MACROD2: variants seen among roughly 807,000 people sequenced by gnomAD.
MACROD2 encodes the protein ADP-ribose glycohydrolase MACROD2.
MACROD2 carries 36 observed loss-of-function variants against 70.4 expected under a neutral mutation model. That is an observed-to-expected ratio of 0.51 (90% CI 0.39 to 0.68). The LOEUF is 0.68. Among genes scored for constraint, MACROD2 ranks in the 30% least tolerant of loss-of-function variants. The pLI is 0.00. For synonymous variants in MACROD2, 172 were observed against 178.8 expected (o/e 0.96, Z 0.30); for missense variants, 496 against 538.4 (o/e 0.92, Z 0.78).
chr20:15,038,259 G>T (rs548949758), intron 5 of MACROD2, among the ~76,000 whole-genome samples: 1 of 152,192 alleles, frequency 6.6e-6, no homozygotes, highest in East Asian at 1.9e-4. Context: ...TATATCTCTG[G>T]ATAATTTTTA....
chr20:14,090,272 A>G (rs994321056), intron 3 of MACROD2, among the ~76,000 whole-genome samples: 2 of 152,314 alleles, frequency 1.3e-5, no homozygotes, highest in East Asian at 3.9e-4. Flanking sequence ...TTCCATTATC[A>G]TAAAAGAACT....
chr20:14,723,431 A>G (rs2071492616), intron 5 of MACROD2, among the ~76,000 whole-genome samples: 1 of 151,762 alleles, frequency 6.6e-6, no homozygotes, highest in African/African-American at 2.4e-5. Context: ...GAGAGCTAAT[A>G]TTCCTGTTTC....
intron 8 of MACROD2, among the ~76,000 whole-genome samples, chr20:15,781,490 C>A (rs146187815): frequency 6.6e-6 from 1 of 152,236 alleles, no homozygotes; most frequent in African/African-American, 2.4e-5. Flanking sequence ...GATCAAGATG[C>A]TAGCAGGCTC....
At chr20:15,052,085 T>G (rs190813931) in intron 5 of MACROD2, among the ~76,000 whole-genome samples, 1 of 152,248 alleles carries the variant, frequency 6.6e-6, no homozygotes, top group Admixed American at 6.5e-5. Flanking sequence ...TTCAAGGAAT[T>G]TTCTTAAATC....
chr20:14,832,298 G>A (rs1355016367), intron 5 of MACROD2, among the ~76,000 whole-genome samples: 1 of 151,934 alleles, frequency 6.6e-6, no homozygotes, highest in Non-Finnish European at 1.5e-5. Flanking sequence ...TGATCAGGCT[G>A]AGAAAGAAAC....
At chr20:15,656,574 G>A (rs938093597) in intron 8 of MACROD2, among the ~76,000 whole-genome samples, 1 of 152,170 alleles carries the variant, frequency 6.6e-6, no homozygotes, top group Non-Finnish European at 1.5e-5. Context: ...AAACCCCAGA[G>A]TTGGAACTGC....
chr20:14,919,306 A>G (rs2074132014), intron 5 of MACROD2, among the ~76,000 whole-genome samples: 1 of 152,188 alleles, frequency 6.6e-6, no homozygotes, highest in Admixed American at 6.5e-5. Flanking sequence ...TATAAGCTAC[A>G]TTTTTAACCA....
intron 8 of MACROD2, among the ~76,000 whole-genome samples, chr20:15,595,393 G>C (rs890724709): frequency 4.8e-4 from 73 of 152,302 alleles, no homozygotes; most frequent in African/African-American, 1.7e-3. Context: ...AGCAATGTAT[G>C]ATGAGCCTTA....
chr20:14,132,595 G>C (rs778505505), intron 3 of MACROD2, among the ~76,000 whole-genome samples: 1 of 151,896 alleles, frequency 6.6e-6, no homozygotes, highest in Non-Finnish European at 1.5e-5. Context: ...AATTACTTAG[G>C]GTTCTATTTG....
intron 8 of MACROD2, among the ~76,000 whole-genome samples, chr20:15,597,395 G>A (rs1041348874): frequency 1.2e-4 from 19 of 152,318 alleles, no homozygotes; most frequent in South Asian, 2.1e-4. Context: ...TTGGGGCAAA[G>A]GATACAAGAG....
chr20:15,333,040 T>C (rs2078009641), intron 6 of MACROD2, among the ~76,000 whole-genome samples: 1 of 151,720 alleles, frequency 6.6e-6, no homozygotes. Context: ...TTGAGTAATA[T>C]AGAACTCTTG....
chr20:14,351,238 TTTG>T (rs144880503), intron 3 of MACROD2, among the ~76,000 whole-genome samples: 7 of 152,252 alleles, frequency 4.6e-5, no homozygotes, highest in South Asian at 4.1e-4. Flanking sequence ...TTCTGGTTTT[TTTG>T]TTGTTGTTGT....
At chr20:14,920,882 A>G (rs183705432) in intron 5 of MACROD2, among the ~76,000 whole-genome samples, 121 of 152,300 alleles carry the variant, frequency 7.9e-4, no homozygotes, top group Middle Eastern at 3.4e-3. Flanking sequence ...CATTCACATT[A>G]GGAAAGTCAC....
intron 6 of MACROD2, among the ~76,000 whole-genome samples, chr20:15,373,143 T>C (rs2045516011): frequency 2.0e-5 from 3 of 152,214 alleles, no homozygotes; most frequent in Admixed American, 1.3e-4. Context: ...TTTCTATACC[T>C]ACTTAGGCTA....
intron 5 of MACROD2, among the ~76,000 whole-genome samples, chr20:15,032,540 GAAC>G (rs1264936275): frequency 2.0e-5 from 3 of 152,170 alleles, no homozygotes; most frequent in Non-Finnish European, 2.9e-5. Context: ...ACTTCACCCT[GAAC>G]TATCCAGGAC....
intron 6 of MACROD2, among the ~76,000 whole-genome samples, chr20:15,345,295 A>G (rs1249076432): frequency 1.3e-5 from 2 of 152,204 alleles, no homozygotes; most frequent in Non-Finnish European, 2.9e-5. Context: ...TGGGTTTACT[A>G]TACTTCTCTT....
In MACROD2 at chr20:14,853,173, C is replaced by G. The variant is rs147446812; in HGVS notation, c.418+168214C>G. Among the ~76,000 whole-genome samples, 18 of 149,322 alleles carry G rather than the reference C, an allele frequency of 1.2e-4. No individual in the cohort carries two copies. In the East Asian group the frequency reaches 1.4e-3, roughly 11 times the overall value. On this transcript the variant is annotated intron_variant, in intron 5 of 17. Transcript: ENST00000684519. ...GTGTGAACAGTGTGTGTGTGTGTGT[C>G]TGTGTGTGTGTGTGTGTGTGTGTGT...
rs6079635 is a variant in MACROD2, at chr20:15,027,547, G to A, written c.419-202393G>A. On this transcript the variant is annotated intron_variant, in intron 5 of 17. Coordinates refer to ENST00000684519, the MANE Select transcript of MACROD2 (RefSeq NM_001351661.2). ...GTCATAAAATGTGGTGGTAGTGATG[G>A]TGGTGGTGGTGGGGGGAAATAATAT... 8.8e-5 allele frequency among the ~76,000 whole-genome samples: 12 copies of A among 136,326 alleles called. No homozygotes were observed. The East Asian group carries it at 1.4e-3, about 16-fold the overall frequency. 89.4% of individuals were successfully genotyped at this position (136,326 alleles called of 152,430 possible). A position where few individuals can be genotyped will look rare whatever the true frequency, so the allele number is the denominator to read the frequency against.
chr20:14,981,530 A>C (rs2074800662), intron 5 of MACROD2, among the ~76,000 whole-genome samples: 1 of 151,704 alleles, frequency 6.6e-6, no homozygotes, highest in African/African-American at 2.4e-5. Context: ...ATCTCATTTT[A>C]AATTCCCACC....
Sources: gnomAD v4.1 joint callset for allele counts (sites outside exome capture counted in the v4.1 genomes callset) on GRCh38, gnomAD v4.1.1 for gene constraint, MANE v1.5 for transcripts, NCBI Gene and HGNC (gene_info 2026-07-23, HGNC 2026-07-21) for gene names.